XPO4: variants seen among roughly 807,000 people sequenced by gnomAD.
The protein encoded by XPO4 is exportin 4.
A neutral mutation model predicts 143.0 loss-of-function variants in XPO4; 39 were observed. The ratio of observed to expected loss-of-function variants is 0.27; its 90% CI spans 0.21 to 0.36. The LOEUF (loss-of-function observed/expected upper bound fraction) is 0.36. Among genes scored for constraint, XPO4 ranks in the 10% least tolerant of loss-of-function variants. XPO4 has a pLI of 1.00. For missense variants in XPO4, 907 were observed against 1,348.0 expected, an observed-to-expected ratio of 0.67 and a Z score of 5.12; for synonymous variants, 439 against 474.0, an observed-to-expected ratio of 0.93 and a Z score of 0.96.
intron 9 of XPO4, among the ~76,000 whole-genome samples, chr13:20,821,155 T>C (rs2059715093): frequency 2.0e-5 from 3 of 152,164 alleles, no homozygotes; most frequent in African/African-American, 7.2e-5. Flanking sequence ...TTGGTCTTAA[T>C]TTCAATGTAA....
chr13:20,895,631 CAAA>C (rs5802090), intron 1 of XPO4, among the ~76,000 whole-genome samples: 1 of 145,068 alleles, frequency 6.9e-6, no homozygotes, highest in Non-Finnish European at 1.5e-5. Context: ...GACTCTGTCT[CAAA>C]AAAAAAAAAA....
chr13:20,835,905 G>C (rs2059910382), intron 6 of XPO4, among the ~76,000 whole-genome samples: 2 of 152,082 alleles, frequency 1.3e-5, no homozygotes, highest in Admixed American at 6.6e-5. Context: ...ATTTATGATT[G>C]ATCCACTTAT....
intron 7 of XPO4, among the ~76,000 whole-genome samples, chr13:20,826,325 A>G (rs1438813252): frequency 3.3e-5 from 5 of 152,244 alleles, no homozygotes. Flanking sequence ...CCAATGACTC[A>G]TAAATATAAT....
chr13:20,843,098 G>T, intron 5 of XPO4, 50 bp from the exon 6 acceptor site: 1 of 1,498,462 alleles, frequency 6.7e-7, no homozygotes, highest in Non-Finnish European at 9.0e-7. Context: ...TATTCAAAAT[G>T]TATCCCCTTT....
rs890451603 is a variant in XPO4, at chr13:20,809,324, A to G, written c.1351-99T>C. Reference sequence around the variant, plus strand: ...CATAGCTTAGATAGCTAAGCACTGCATAGCAAAAGGAGAGGGGACACAGCC... The same window carrying G: ...CATAGCTTAGATAGCTAAGCACTGCGTAGCAAAAGGAGAGGGGACACAGCC... On this transcript the variant is annotated intron_variant, in intron 10 of 22. Transcript: ENST00000255305. 5.6e-6 allele frequency: 8 copies of G among 1,416,970 alleles called. No individual in the cohort carries two copies. In the Admixed American group the frequency reaches 7.0e-5, roughly 12 times the overall value. The allele number at this position is 1,416,970 out of a possible 1,614,324, so 87.8% of individuals were successfully genotyped here.
intron 7 of XPO4, among the ~76,000 whole-genome samples, chr13:20,824,671 C>A (rs924359721): frequency 1.3e-5 from 2 of 151,940 alleles, no homozygotes; most frequent in Non-Finnish European, 2.9e-5. Flanking sequence ...ACATGTATTT[C>A]AATATAAACT....
chr13:20,883,443 A>T (rs2060432040), intron 1 of XPO4, among the ~76,000 whole-genome samples: 1 of 152,236 alleles, frequency 6.6e-6, no homozygotes, highest in Non-Finnish European at 1.5e-5. Context: ...CCTTAAAAGC[A>T]GTCAAAGAAA....
intron 9 of XPO4, among the ~76,000 whole-genome samples, chr13:20,810,838 A>G (rs1566575628): frequency 1.3e-5 from 2 of 152,216 alleles, no homozygotes; most frequent in South Asian, 4.1e-4. Context: ...TTAGCTTGTA[A>G]TCCTAATTGT....
At chr13:20,866,023 TA>T in intron 2 of XPO4, 2 of 984,854 alleles carry the variant, frequency 2.0e-6, no homozygotes, top group Non-Finnish European at 2.4e-6. Flanking sequence ...TGAGAAAGAG[TA>T]AAAGAATGCC....
At chr13:20,860,017 GC>G (rs2060181919) in intron 3 of XPO4, 1 of 180,298 alleles carries the variant, frequency 5.5e-6, no homozygotes, top group African/African-American at 2.4e-5. Flanking sequence ...AAGCTCCCCT[GC>G]TGGCCCTGAC....
chr13:20,881,513 C>T (rs1424101780), intron 1 of XPO4, among the ~76,000 whole-genome samples: 7 of 151,940 alleles, frequency 4.6e-5, no homozygotes, highest in Non-Finnish European at 1.0e-4. Context: ...CTCATGATCC[C>T]CCCGCCTCAG....
intron 1 of XPO4, among the ~76,000 whole-genome samples, chr13:20,897,630 T>C (rs532412620): frequency 3.7e-4 from 56 of 152,234 alleles, no homozygotes; most frequent in Non-Finnish European, 4.3e-4. Context: ...TGTGTTTCTA[T>C]ATACTGAAGA....
chr13:20,850,033 G>C (rs2060067120), intron 4 of XPO4: 1 of 818,588 alleles, frequency 1.2e-6, no homozygotes, highest in Non-Finnish European at 1.5e-6. Context: ...TTAAACCCAG[G>C]AGGCGGAGGT....
intron 3 of XPO4, chr13:20,856,341 T>G: frequency 1.0e-6 from 1 of 985,306 alleles, no homozygotes; most frequent in Non-Finnish European, 1.2e-6. Flanking sequence ...ACATTCAAAA[T>G]GTTCATATCT....
intron 6 of XPO4, among the ~76,000 whole-genome samples, chr13:20,835,403 C>G (rs938940201): frequency 2.0e-5 from 3 of 152,226 alleles, no homozygotes; most frequent in East Asian, 3.9e-4. Flanking sequence ...TGAAAGAAAC[C>G]TAGACAAAGC....
chr13:20,862,703 C>T lies in XPO4; in HGVS notation c.317+14G>A. On this transcript the variant is annotated intron_variant, in intron 3 of 22. Transcript: ENST00000255305. ...CAGCAAAAGTATTTCAGCAGTCCCC[C>T]TCCATGTACTTACTTGGGCCTTTGT... 6.2e-7 allele frequency: 1 copy of T among 1,613,946 alleles called. No homozygotes were observed. The highest frequency in any genetic ancestry group is 8.5e-7 in the Non-Finnish European group (1 of 1,179,900).
intron 9 of XPO4, among the ~76,000 whole-genome samples, chr13:20,811,552 T>C (rs1157219680): frequency 1.3e-5 from 2 of 152,138 alleles, no homozygotes; most frequent in East Asian, 3.9e-4. Context: ...TCTCCCAAAG[T>C]GCTGGGATTA....
chr13:20,888,957 C>A (rs977138012), intron 1 of XPO4, among the ~76,000 whole-genome samples: 1 of 152,044 alleles, frequency 6.6e-6, no homozygotes, highest in Non-Finnish European at 1.5e-5. Context: ...CGTGTGCCAC[C>A]ATGCCCAGTT....
intron 3 of XPO4, chr13:20,856,168 GA>G (rs2060141516): frequency 3.9e-6 from 1 of 259,130 alleles, no homozygotes; most frequent in Non-Finnish European, 6.0e-6. Flanking sequence ...AAATCACTAA[GA>G]TTAAGATTCC....
Sources: gnomAD v4.1 joint callset for allele counts (sites outside exome capture counted in the v4.1 genomes callset) on GRCh38, gnomAD v4.1.1 for gene constraint, MANE v1.5 for transcripts, NCBI Gene and HGNC (gene_info 2026-07-23, HGNC 2026-07-21) for gene names.